Variants in IFT80 observed in about 807,000 individuals in gnomAD.
IFT80 encodes the protein intraflagellar transport protein 80 homolog.
In IFT80, 79 loss-of-function variants were observed where a neutral mutation model predicts 107.9. The ratio of observed to expected loss-of-function variants is 0.73; its 90% confidence interval spans 0.61 to 0.88. The LOEUF is 0.88. Ranked by LOEUF, IFT80 falls within the 40% of genes least tolerant of loss-of-function variation. The probability of loss-of-function intolerance (pLI) is 0.00; values close to 1 mark genes in which losing one functional copy is unlikely to be tolerated. For missense variants in IFT80, 797 were observed against 914.2 expected, an observed-to-expected ratio of 0.87 and a Z score of 1.65; for synonymous variants, 299 against 300.9, an observed-to-expected ratio of 0.99 and a Z score of 0.07.
chr3:160,380,260 C>T (rs1308037529), intron 3 of IFT80, among the ~76,000 whole-genome samples: 8 of 151,936 alleles, frequency 5.3e-5, no homozygotes, highest in Non-Finnish European at 1.5e-5. Flanking sequence ...TGGTCTCGAA[C>T]TCCTGACCTC....
chr3:160,283,835 C>T (rs964750555), intron 13 of IFT80, among the ~76,000 whole-genome samples: 1 of 152,210 alleles, frequency 6.6e-6, no homozygotes, highest in Non-Finnish European at 1.5e-5. Context: ...GGGCTTCCCC[C>T]ATTTTCCTCT....
chr3:160,266,519 G>A lies in IFT80; in HGVS notation c.2223+1894C>T, dbSNP rs561050527. 3.9e-5 allele frequency among the ~76,000 whole-genome samples: 6 copies of A among 152,008 alleles called. No homozygotes were observed. The East Asian group carries it at 1.2e-3, about 29-fold the overall frequency. On this transcript the variant is annotated intron_variant, in intron 19 of 19. Transcript: ENST00000326448. ...TCTCCTACCTCTCCCAAGTAGCTGG[G>A]ACTACAAGCATGAGCCACCATGTCC...
chr3:160,324,759 A>C (rs1718551014), intron 8 of IFT80, among the ~76,000 whole-genome samples: 1 of 152,168 alleles, frequency 6.6e-6, no homozygotes. Flanking sequence ...TATTCAACAT[A>C]GTGTTGGAAG....
intron 8 of IFT80, among the ~76,000 whole-genome samples, chr3:160,347,579 A>G (rs1284041581): frequency 6.6e-6 from 1 of 152,188 alleles, no homozygotes; most frequent in East Asian, 1.9e-4. Context: ...CAAATATACT[A>G]TCCAACAACA....
chr3:160,288,220 C>T (rs1206533775), intron 12 of IFT80, among the ~76,000 whole-genome samples: 2 of 152,174 alleles, frequency 1.3e-5, no homozygotes, highest in Non-Finnish European at 2.9e-5. Context: ...GTAGTCCCAG[C>T]TACTCAGGAG....
At chr3:160,309,535 A>C (rs1250310019) in intron 9 of IFT80, among the ~76,000 whole-genome samples, 5 of 152,082 alleles carry the variant, frequency 3.3e-5, no homozygotes, top group Non-Finnish European at 1.5e-5. Flanking sequence ...AAAATACAAA[A>C]AATTAGCCAG....
chr3:160,323,794 A>G (rs1158826925), intron 8 of IFT80, among the ~76,000 whole-genome samples: 1 of 152,160 alleles, frequency 6.6e-6, no homozygotes, highest in Non-Finnish European at 1.5e-5. Flanking sequence ...GAACTGAAGG[A>G]AATAGAGACC....
intron 12 of IFT80, among the ~76,000 whole-genome samples, chr3:160,291,213 T>C (rs1206577494): frequency 6.6e-6 from 1 of 152,202 alleles, no homozygotes; most frequent in Non-Finnish European, 1.5e-5. Context: ...AGGCAATTAC[T>C]AGCTTGCTAT....
At chr3:160,375,148 T>C (rs1215302316) in intron 5 of IFT80, among the ~76,000 whole-genome samples, 1 of 152,182 alleles carries the variant, frequency 6.6e-6, no homozygotes, top group Non-Finnish European at 1.5e-5. Flanking sequence ...GATCAGCTGA[T>C]ACATACTCAG....
chr3:160,380,704 A>T (rs1188784790), intron 3 of IFT80, among the ~76,000 whole-genome samples: 11 of 149,916 alleles, frequency 7.3e-5, no homozygotes, highest in African/African-American at 2.3e-4. Flanking sequence ...ACCCTTAAAA[A>T]GTGAAAAAAA....
chr3:160,315,071 GGGA>G, intron 9 of IFT80, among the ~76,000 whole-genome samples: 1 of 133,322 alleles, frequency 7.5e-6, no homozygotes. Flanking sequence ...GAGGGAGGGA[GGGA>G]GGGAGGGAGG....
At chr3:160,331,403 C>G (rs1169467455) in intron 8 of IFT80, among the ~76,000 whole-genome samples, 1 of 152,118 alleles carries the variant, frequency 6.6e-6, no homozygotes, top group African/African-American at 2.4e-5. Context: ...TAGAATTTCC[C>G]TTTAATATTT....
intron 9 of IFT80, among the ~76,000 whole-genome samples, chr3:160,313,702 A>G (rs1717580089): frequency 6.7e-6 from 1 of 150,150 alleles, no homozygotes; most frequent in Non-Finnish European, 1.5e-5. Context: ...CTCTGCCTCC[A>G]GGGTTCAAGT....
chr3:160,351,617 T>C (rs927908828), intron 8 of IFT80, among the ~76,000 whole-genome samples: 29 of 147,430 alleles, frequency 2.0e-4, no homozygotes, highest in African/African-American at 7.1e-4. Flanking sequence ...GTATATATTA[T>C]ATATATAGTA....
intron 18 of IFT80, among the ~76,000 whole-genome samples, chr3:160,269,227 A>C (rs1160168514): frequency 6.6e-6 from 1 of 151,524 alleles, no homozygotes; most frequent in Non-Finnish European, 1.5e-5. Context: ...AGACTCAAAA[A>C]AAAAAAAAAA....
chr3:160,398,294 C>T (rs1411423553), intron 1 of IFT80, among the ~76,000 whole-genome samples: 8 of 152,116 alleles, frequency 5.3e-5, no homozygotes, highest in Non-Finnish European at 1.2e-4. Context: ...ACTTCATGCT[C>T]TTCCAGGGAA....
At chr3:160,338,796 C>G (rs1719675028) in intron 8 of IFT80, among the ~76,000 whole-genome samples, 1 of 152,188 alleles carries the variant, frequency 6.6e-6, no homozygotes, top group East Asian at 1.9e-4. Context: ...TCTTCTGGCT[C>G]TTGCTCTCCT....
intron 12 of IFT80, among the ~76,000 whole-genome samples, chr3:160,286,770 G>A (rs994766491): frequency 1.3e-5 from 2 of 152,236 alleles, no homozygotes; most frequent in Admixed American, 6.5e-5. Context: ...ATAATGCCAG[G>A]CAACGTGTTA....
intron 11 of IFT80, among the ~76,000 whole-genome samples, chr3:160,303,127 G>T (rs1346199344): frequency 6.6e-6 from 1 of 152,156 alleles, no homozygotes; most frequent in Admixed American, 6.5e-5. Flanking sequence ...CCTACATGAT[G>T]AGGAATGAGG....
Sources: allele counts gnomAD v4.1 joint callset (sites outside exome capture counted in the v4.1 genomes callset), GRCh38; gene constraint gnomAD v4.1.1; transcripts MANE v1.5; gene names NCBI Gene and HGNC (gene_info 2026-07-23, HGNC 2026-07-21).